HOATZ: variants seen among roughly 807,000 people sequenced by gnomAD.
HOATZ encodes the protein cilia- and flagella-associated protein HOATZ.
Under a neutral mutation model 24.9 loss-of-function variants are expected in HOATZ, and 26 were observed. The ratio of observed to expected loss-of-function variants is 1.04; its 90% CI spans 0.76 to 1.45. The LOEUF (loss-of-function observed/expected upper bound fraction) is 1.45, where lower values mean the gene tolerates loss of function less well. Ranked by LOEUF, HOATZ falls within the 40% of genes most tolerant of loss-of-function variation. HOATZ has a pLI of 0.00. For synonymous variants in HOATZ, 83 were observed against 76.6 expected (o/e 1.08, Z -0.43); for missense variants, 226 against 201.5 (o/e 1.12, Z -0.74).
In HOATZ at chr11:111,536,992, G is replaced by A; in HGVS notation, c.*165G>A. The A allele has an allele frequency of 1.7e-6, 1 of 584,210 alleles. No individual in the cohort carries two copies. The highest frequency in any genetic ancestry group is 3.1e-6 in the Non-Finnish European group (1 of 327,378). 36.2% of individuals were successfully genotyped at this position (584,210 alleles called of 1,614,324 possible). ...ATTTTACCAGTTAGTGAGTACTTGT[G>A]TTAAAATAAAGAAATAAAGGTTAAA... On this transcript the variant is annotated 3_prime_UTR_variant, in exon 6 of 6. Coordinates refer to ENST00000375618, the MANE Select transcript of HOATZ (RefSeq NM_001100388.2).
chr11:111,534,289 T>G, intron 4 of HOATZ, 123 bp from the exon 5 acceptor site: 1 of 686,420 alleles, frequency 1.5e-6, no homozygotes, highest in South Asian at 2.0e-5. Flanking sequence ...TTTCCAGATT[T>G]AAGAAGCTAG....
chr11:111,516,043 A>G lies in HOATZ; in HGVS notation c.272A>G (p.Asn91Ser). The G allele has an allele frequency of 6.3e-7, 1 of 1,575,864 alleles. No homozygotes were observed. The highest frequency in any genetic ancestry group is 8.7e-7 in the Non-Finnish European group (1 of 1,154,596). ...SQSFHLASNK[N>S]RDIFAEALKI... ...AATTTGACTTTATTCCCTCTAGAAA[A>G]TAGAGACATCTTTGCCGAAGCCCTA... The change falls in exon 3 of 6, where the codon AAT (asparagine) becomes AGT (serine). Residue 91 changes from asparagine to serine, a missense_variant. Physicochemically the swap from Asn to Ser is conservative, Grantham distance 46. Coordinates refer to ENST00000375618, the MANE Select transcript of HOATZ (RefSeq NM_001100388.2).
chr11:111,536,580 AAACC>A, intron 5 of HOATZ, 186 bp from the exon 6 acceptor site: 1 of 506,604 alleles, frequency 2.0e-6, no homozygotes, highest in South Asian at 3.1e-5. Flanking sequence ...CTGTACCTCC[AAACC>A]ACACTTCACA....
rs530158657 is a variant in HOATZ, at chr11:111,528,087, C to T, written c.340-5659C>T. ...AATCCCAGCACTTCAGGAGGCTGACCAAAGTGGGAGACTGGCTTGAGCCCA... is the reference window on the plus strand; with the variant it reads ...AATCCCAGCACTTCAGGAGGCTGACTAAAGTGGGAGACTGGCTTGAGCCCA... On this transcript the variant is annotated intron_variant, in intron 3 of 5. Coordinates refer to ENST00000375618, the MANE Select transcript of HOATZ (RefSeq NM_001100388.2). Among the ~76,000 whole-genome samples, 3 of 151,280 alleles carry T rather than the reference C, an allele frequency of 2.0e-5. No homozygotes were observed. In the South Asian group the frequency reaches 6.3e-4, roughly 32 times the overall value.
chr11:111,530,346 A>G (rs1213780387), intron 3 of HOATZ, among the ~76,000 whole-genome samples: 1 of 152,246 alleles, frequency 6.6e-6, no homozygotes, highest in East Asian at 1.9e-4. Context: ...CTGGGATTCA[A>G]ACCAAATGTA....
chr11:111,524,885 A>T lies in HOATZ; in HGVS notation c.339+8775A>T, dbSNP rs1198054282. ...CTTTTTCTTTTCTTTTTTTTTAGACAAGGTCTCACTCTGTCACCCAGAATG... is the reference window on the plus strand; with the variant it reads ...CTTTTTCTTTTCTTTTTTTTTAGACTAGGTCTCACTCTGTCACCCAGAATG... On this transcript the variant is annotated intron_variant, in intron 3 of 5. Coordinates refer to ENST00000375618, the MANE Select transcript of HOATZ (RefSeq NM_001100388.2). 6.7e-6 allele frequency: 3 copies of T among 446,610 alleles called. No individual in the cohort carries two copies. The Admixed American group carries it at 7.3e-5, about 11-fold the overall frequency. 27.7% of individuals were successfully genotyped at this position (446,610 alleles called of 1,614,324 possible). A position where few individuals can be genotyped will look rare whatever the true frequency, so the allele number is the denominator to read the frequency against.
Position 111,536,822 on chromosome 11 carries a change from G to T in HOATZ, c.505G>T (p.Asp169Tyr), listed in dbSNP as rs747316987. 1 of 1,613,574 alleles carries T rather than the reference G, an allele frequency of 6.2e-7. No individual in the cohort carries two copies. Among genetic ancestry groups the T allele is most frequent in the Non-Finnish European group, 8.5e-7 (1 of 1,179,636 alleles). ...KEDQEEVKTL[D>Y] The stretch of plus-strand genomic sequence containing the variant: ...GGACCAAGAAGAAGTCAAAACTTTG[G>T]ACTAATTTGCTTGACACATGGCAGA... The change falls in exon 6 of 6, where the codon GAC (aspartate) becomes TAC (tyrosine). Residue 169 changes from aspartate (D) to tyrosine (Y), a missense_variant. Transcript: ENST00000375618.
chr11:111,523,273 A>G lies in HOATZ; in HGVS notation c.339+7163A>G, dbSNP rs1591555952. Among the ~76,000 whole-genome samples, 4 of 134,886 alleles carry G rather than the reference A, an allele frequency of 3.0e-5. No individual in the cohort carries two copies. In the East Asian group the frequency reaches 8.5e-4, roughly 29 times the overall value. 88.5% of individuals were successfully genotyped at this position (134,886 alleles called of 152,430 possible). A position where few individuals can be genotyped will look rare whatever the true frequency, so the allele number is the denominator to read the frequency against. ...ACGGCCTTAAAGTGCTAATGTTCCT[A>G]AGTGCAAGAAGGTTGTGATGTGCCC... On this transcript the variant is annotated intron_variant, in intron 3 of 5. Transcript: ENST00000375618.
intron 3 of HOATZ, among the ~76,000 whole-genome samples, chr11:111,523,776 T>C (rs1591556110): frequency 6.6e-6 from 1 of 152,340 alleles, no homozygotes; most frequent in East Asian, 1.9e-4. Flanking sequence ...TGCCTTTCTC[T>C]CATTTCTTCC....
At chr11:111,522,117 T>C (rs985476654) in intron 3 of HOATZ, among the ~76,000 whole-genome samples, 2 of 152,260 alleles carry the variant, frequency 1.3e-5, no homozygotes, top group African/African-American at 4.8e-5. Context: ...GTATTATATC[T>C]TCTATACATT....
At chr11:111,536,536 G>T (rs1867452278) in intron 5 of HOATZ, 1 of 385,596 alleles carries the variant, frequency 2.6e-6, no homozygotes, top group Non-Finnish European at 4.7e-6. Flanking sequence ...TCTGACTCTA[G>T]AATAAACAAA....
At chr11:111,532,332 T>C (rs1248646612) in intron 3 of HOATZ, among the ~76,000 whole-genome samples, 1 of 152,214 alleles carries the variant, frequency 6.6e-6, no homozygotes, top group Non-Finnish European at 1.5e-5. Context: ...ATTGACGTTC[T>C]AACCAGCAGT....
intron 3 of HOATZ, among the ~76,000 whole-genome samples, chr11:111,527,302 G>A (rs1268770662): frequency 6.6e-6 from 1 of 152,040 alleles, no homozygotes; most frequent in East Asian, 1.9e-4. Flanking sequence ...ATTGAAATCT[G>A]CATTTAAGAA....
At chr11:111,523,071 C>T (rs1867288441) in intron 3 of HOATZ, among the ~76,000 whole-genome samples, 1 of 152,030 alleles carries the variant, frequency 6.6e-6, no homozygotes, top group Non-Finnish European at 1.5e-5. Flanking sequence ...AAGAGCGAGA[C>T]TGTCTCAAAA....
At chr11:111,525,616 C>T (rs1172988279) in intron 3 of HOATZ, among the ~76,000 whole-genome samples, 2 of 152,170 alleles carry the variant, frequency 1.3e-5, no homozygotes, top group Admixed American at 6.5e-5. Context: ...ACTGAAAAGG[C>T]AATGTCAAGT....
At position 111,533,757 on chromosome 11, in the gene HOATZ, A is replaced by G. The variant is rs1287803482; in HGVS notation, c.351A>G (p.Arg117=). The G allele has an allele frequency of 6.3e-6, 10 of 1,587,472 alleles. No homozygotes were observed. The highest frequency in any genetic ancestry group is 2.7e-5 in the African/African-American group (2 of 72,906). ...CTTTCTTTAAACAGGCTAAAACAAG[A>G]GAAGAGATTCTCCAACTCTTAAGAA... ...KVKYLQKAKT[R]EEILQLLRKQ... is the part of the protein sequence containing the mutation. The change falls in exon 4 of 6, where the codon AGA becomes AGG. Residue 117 remains arginine, a synonymous_variant. Transcript: ENST00000375618.
intron 2 of HOATZ, 123 bp downstream of exon 2, chr11:111,515,675 C>T: frequency 2.5e-6 from 2 of 805,472 alleles, no homozygotes; most frequent in South Asian, 3.2e-5. Context: ...ACCTAAGTCC[C>T]TGCTCAGGGA....
In HOATZ at chr11:111,521,826, T is replaced by C. The variant is rs142972080; in HGVS notation, c.339+5716T>C. On this transcript the variant is annotated intron_variant, in intron 3 of 5. Transcript: ENST00000375618. ...AGTACCACTTTGTTTTCAAAAGTTA[T>C]TCAATGTTGGGGAACATTTTCAGTT... Among the ~76,000 whole-genome samples, 21 of 152,370 alleles carry C rather than the reference T, an allele frequency of 1.4e-4. 1 individual carries two copies. The highest frequency in any genetic ancestry group is 4.8e-4 in the African/African-American group (20 of 41,592).
At chr11:111,534,178 AAATAGT>A (rs1345280557) in intron 4 of HOATZ, among the ~76,000 whole-genome samples, 1 of 152,246 alleles carries the variant, frequency 6.6e-6, no homozygotes. Context: ...AACCTAATAA[AAATAGT>A]AATAGTATCA....
Sources: allele counts gnomAD v4.1 joint callset (sites outside exome capture counted in the v4.1 genomes callset), GRCh38; gene constraint gnomAD v4.1.1; transcripts MANE v1.5; gene names NCBI Gene and HGNC (gene_info 2026-07-23, HGNC 2026-07-21).